Variants in RALYL observed in about 807,000 individuals in gnomAD.
RALYL encodes the protein RALY RNA binding protein like.
In RALYL, 29 loss-of-function variants were observed where a neutral mutation model predicts 35.1. That is an observed-to-expected ratio of 0.83 (90% CI 0.61 to 1.13). RALYL has a LOEUF of 1.13. RALYL is among the 50% of genes most tolerant of loss of function. The pLI, the probability that RALYL is intolerant of heterozygous loss-of-function variation, is 0.00. For synonymous variants in RALYL, 120 were observed against 127.6 expected, an observed-to-expected ratio of 0.94 and a Z score of 0.40; for missense variants, 359 against 360.4, an observed-to-expected ratio of 1.00 and a Z score of 0.03.
At chr8:84,525,967 T>C (rs1219583213) in intron 1 of RALYL, among the ~76,000 whole-genome samples, 12 of 146,082 alleles carry the variant, frequency 8.2e-5, no homozygotes, top group Admixed American at 6.8e-4. Context: ...TTTTTTTTTT[T>C]TTTTTTTTGA....
chr8:84,848,774 G>T (rs564577874), intron 4 of RALYL, among the ~76,000 whole-genome samples: 1 of 152,186 alleles, frequency 6.6e-6, no homozygotes, highest in South Asian at 2.1e-4. Context: ...ACTTTAAAAA[G>T]ATTAGAATAG....
At chr8:84,512,987 C>T (rs773758321) in intron 1 of RALYL, among the ~76,000 whole-genome samples, 45 of 152,052 alleles carry the variant, frequency 3.0e-4, no homozygotes, top group East Asian at 9.6e-4. Flanking sequence ...TCCTTTTTCT[C>T]GGGTTTGCTT....
chr8:84,885,585 A>C (rs1473765233), intron 7 of RALYL, among the ~76,000 whole-genome samples: 2 of 152,172 alleles, frequency 1.3e-5, no homozygotes, highest in African/African-American at 4.8e-5. Context: ...GAGAAATTTG[A>C]ACCTAATAAG....
At chr8:84,296,623 A>ATTTTTTT (rs397891420) in intron 1 of RALYL, among the ~76,000 whole-genome samples, 1 of 76,676 alleles carries the variant, frequency 1.3e-5, no homozygotes, top group Non-Finnish European at 2.5e-5. Flanking sequence ...TCTCTCTTGC[A>ATTTTTTT]TTTTTTTTTT....
chr8:84,563,251 T>C (rs1166363422), intron 2 of RALYL, among the ~76,000 whole-genome samples: 1 of 151,838 alleles, frequency 6.6e-6, no homozygotes, highest in East Asian at 1.9e-4. Flanking sequence ...TAAGATTCCA[T>C]AGCATCTTGG....
At chr8:84,211,836 T>C (rs1819564558) in intron 1 of RALYL, among the ~76,000 whole-genome samples, 1 of 152,076 alleles carries the variant, frequency 6.6e-6, no homozygotes, top group African/African-American at 2.4e-5. Context: ...TAGGGAAAAA[T>C]CTGTGGAGAC....
intron 2 of RALYL, among the ~76,000 whole-genome samples, chr8:84,691,040 A>C (rs545763058): frequency 2.6e-4 from 40 of 152,272 alleles, no homozygotes; most frequent in African/African-American, 8.4e-4. Context: ...GAAATCTAGC[A>C]TCTCCAAGCA....
At chr8:84,308,252 C>A (rs1312409271) in intron 1 of RALYL, among the ~76,000 whole-genome samples, 1 of 151,990 alleles carries the variant, frequency 6.6e-6, no homozygotes, top group Non-Finnish European at 1.5e-5. Context: ...TAAAAATAAA[C>A]CATCTTGACA....
chr8:84,840,539 C>T (rs1833027033), intron 4 of RALYL, among the ~76,000 whole-genome samples: 1 of 152,216 alleles, frequency 6.6e-6, no homozygotes, highest in Admixed American at 6.5e-5. Context: ...TTGGAAAACA[C>T]TCTGCAGGAT....
Position 84,553,563 on chromosome 8 carries a change from T to C in RALYL, c.256+23986T>C, listed in dbSNP as rs137910778. On this transcript the variant is annotated intron_variant, in intron 2 of 8. Transcript: ENST00000521268. ...CCATCTGCCAGCCTCACAACATCCC[T>C]CAAACGAGACATGTTTTGGGGACTG... Among the ~76,000 whole-genome samples, 43 of 152,308 alleles carry C rather than the reference T, an allele frequency of 2.8e-4. No homozygotes were observed. In the East Asian group the frequency reaches 8.1e-3, roughly 29 times the overall value.
chr8:84,273,484 G>A (rs1834736441), intron 1 of RALYL, among the ~76,000 whole-genome samples: 1 of 152,226 alleles, frequency 6.6e-6, no homozygotes, highest in Non-Finnish European at 1.5e-5. Flanking sequence ...TGTTACCCCT[G>A]CCACATACTT....
chr8:84,563,737 G>A (rs1034959947), intron 2 of RALYL, among the ~76,000 whole-genome samples: 12 of 151,574 alleles, frequency 7.9e-5, no homozygotes, highest in East Asian at 1.9e-4. Flanking sequence ...TCACTTTTAC[G>A]TTTTATGATA....
intron 2 of RALYL, among the ~76,000 whole-genome samples, chr8:84,590,886 C>A (rs1353210637): frequency 1.3e-5 from 2 of 152,050 alleles, no homozygotes; most frequent in African/African-American, 4.8e-5. Flanking sequence ...ACTTATGTAA[C>A]CTTTCAACTC....
chr8:84,621,489 C>T (rs1015263113), intron 2 of RALYL, among the ~76,000 whole-genome samples: 3 of 152,164 alleles, frequency 2.0e-5, no homozygotes, highest in African/African-American at 7.2e-5. Flanking sequence ...GACCTGCGCC[C>T]ACTGTCTGGC....
intron 1 of RALYL, among the ~76,000 whole-genome samples, chr8:84,384,402 G>T (rs1383785091): frequency 6.6e-6 from 1 of 151,600 alleles, no homozygotes; most frequent in African/African-American, 2.4e-5. Context: ...TTCCTGTAGA[G>T]CATGTCCCAC....
chr8:84,494,128 C>A (rs1177118941), intron 1 of RALYL, among the ~76,000 whole-genome samples: 1 of 152,066 alleles, frequency 6.6e-6, no homozygotes, highest in Non-Finnish European at 1.5e-5. Context: ...ATATGGCTAG[C>A]CAGTTTTCCC....
intron 1 of RALYL, among the ~76,000 whole-genome samples, chr8:84,396,854 T>C (rs904678878): frequency 6.6e-6 from 1 of 152,196 alleles, no homozygotes; most frequent in East Asian, 1.9e-4. Context: ...GCCTAACATC[T>C]AATATGTAAA....
chr8:84,373,469 A>G (rs949828648), intron 1 of RALYL, among the ~76,000 whole-genome samples: 7 of 152,034 alleles, frequency 4.6e-5, no homozygotes, highest in Non-Finnish European at 8.8e-5. Context: ...CATTTAGTGA[A>G]CAGGGAATTA....
At chr8:84,618,689 G>T (rs1820483265) in intron 2 of RALYL, among the ~76,000 whole-genome samples, 1 of 45,758 alleles carries the variant, frequency 2.2e-5, no homozygotes, top group African/African-American at 8.9e-5. Flanking sequence ...TGATGTTAGG[G>T]TGTCAATTTT....
Sources: gnomAD v4.1 joint callset for allele counts (sites outside exome capture counted in the v4.1 genomes callset) on GRCh38, gnomAD v4.1.1 for gene constraint, MANE v1.5 for transcripts, NCBI Gene and HGNC (gene_info 2026-07-23, HGNC 2026-07-21) for gene names.